The following SNTG1 variants were observed in gnomAD, a reference collection of about 807,000 sequenced individuals.
SNTG1 encodes the protein syntrophin gamma 1, also known as gamma-1-syntrophin.
SNTG1 carries 39 observed loss-of-function variants against 74.7 expected under a neutral mutation model. The observed-to-expected ratio is 0.52, with a 90% CI of 0.40 to 0.68. The LOEUF (loss-of-function observed/expected upper bound fraction) is 0.68, where lower values mean the gene tolerates loss of function less well. SNTG1 is among the 30% of genes least tolerant of loss of function. The pLI is 0.00. For synonymous variants in SNTG1, 254 were observed against 217.1 expected, an observed-to-expected ratio of 1.17 and a Z score of -1.49; for missense variants, 685 against 609.5, an observed-to-expected ratio of 1.12 and a Z score of -1.30.
chr8:49,984,302 T>G (rs943681740), intron 1 of SNTG1, among the ~76,000 whole-genome samples: 23 of 152,084 alleles, frequency 1.5e-4, no homozygotes, highest in Non-Finnish European at 4.4e-5. Flanking sequence ...GCCTCCCAGA[T>G]TCAAGCGATT....
intron 1 of SNTG1, among the ~76,000 whole-genome samples, chr8:50,058,260 T>G (rs1051695592): frequency 6.6e-6 from 1 of 152,160 alleles, no homozygotes; most frequent in African/African-American, 2.4e-5. Flanking sequence ...ATACTATGCT[T>G]TTTCAAATGT....
intron 1 of SNTG1, among the ~76,000 whole-genome samples, chr8:50,073,532 T>G (rs1393241420): frequency 6.6e-6 from 1 of 152,158 alleles, no homozygotes; most frequent in Non-Finnish European, 1.5e-5. Flanking sequence ...CTCTCATGAG[T>G]TCTGAATGTT....
Position 50,541,345 on chromosome 8 carries a change from G to GT in SNTG1, c.680+4538dup, listed in dbSNP as rs1194842277. On this transcript the variant is annotated intron_variant, in intron 11 of 18. Transcript: ENST00000642720. Reference sequence around the variant, plus strand: ...GCATCCACTAACGCAGTCAAGTTTTGTATGAACAGTTCCATCATTGCAGGC... The same window carrying GT: ...GCATCCACTAACGCAGTCAAGTTTTGTTATGAACAGTTCCATCATTGCAGGC... Among the ~76,000 whole-genome samples, 20 of 151,304 alleles carry GT rather than the reference G, an allele frequency of 1.3e-4. 1 individual carries two copies.
At chr8:50,373,521 A>G (rs2092313823) in intron 2 of SNTG1, among the ~76,000 whole-genome samples, 2 of 152,186 alleles carry the variant, frequency 1.3e-5, no homozygotes, top group Non-Finnish European at 2.9e-5. Context: ...AAGTTTATTA[A>G]GTAGTAAAAA....
chr8:50,034,978 G>A (rs1461443187), intron 1 of SNTG1, among the ~76,000 whole-genome samples: 1 of 152,174 alleles, frequency 6.6e-6, no homozygotes, highest in Non-Finnish European at 1.5e-5. Flanking sequence ...GATGAACAGA[G>A]GTTCCTTGCA....
chr8:50,100,678 G>GT (rs1223883619), intron 1 of SNTG1, among the ~76,000 whole-genome samples: 2 of 151,966 alleles, frequency 1.3e-5, no homozygotes, highest in Non-Finnish European at 2.9e-5. Flanking sequence ...GTTAATTAGA[G>GT]TTTTATCTAG....
intron 2 of SNTG1, among the ~76,000 whole-genome samples, chr8:50,294,761 G>C (rs1239697609): frequency 6.6e-6 from 1 of 152,142 alleles, no homozygotes; most frequent in African/African-American, 2.4e-5. Context: ...GAGAGCCATG[G>C]CTCAGCCAAA....
In SNTG1 at chr8:49,966,154, G is replaced by GA. The variant is rs1434327336; in HGVS notation, c.-103+53930dup. The stretch of plus-strand genomic sequence containing the variant: ...TCTTGTCTCTATTGGGAAAATCTGA[G>GA]AAAAAAATAGAGTTTGGAGCCTGTC... On this transcript the variant is annotated intron_variant, in intron 1 of 18. Coordinates refer to ENST00000642720, the MANE Select transcript of SNTG1 (RefSeq NM_018967.5). 3.9e-5 allele frequency among the ~76,000 whole-genome samples: 6 copies of GA among 152,074 alleles called. No homozygotes were observed. The South Asian group carries it at 8.3e-4, about 21-fold the overall frequency.
At chr8:50,782,108 C>G (rs2095661432) in intron 18 of SNTG1, among the ~76,000 whole-genome samples, 2 of 152,198 alleles carry the variant, frequency 1.3e-5, no homozygotes, top group South Asian at 4.1e-4. Flanking sequence ...TTGTGGCTAA[C>G]CCGACCTTTC....
intron 13 of SNTG1, among the ~76,000 whole-genome samples, chr8:50,624,221 T>C (rs968457955): frequency 1.3e-5 from 2 of 152,078 alleles, no homozygotes; most frequent in African/African-American, 4.8e-5. Context: ...TATGTTAGAG[T>C]AACCACTACT....
At chr8:49,973,386 G>T (rs947132611) in intron 1 of SNTG1, among the ~76,000 whole-genome samples, 1 of 151,798 alleles carries the variant, frequency 6.6e-6, no homozygotes, top group Non-Finnish European at 1.5e-5. Flanking sequence ...AGGGGGAGGG[G>T]TAGCATTAGA....
At position 50,530,062 on chromosome 8, in the gene SNTG1, G is replaced by A. The variant is rs28459609; in HGVS notation, c.467-115G>A. The A allele has an allele frequency of 2.6e-4, 220 of 845,004 alleles. No individual in the cohort carries two copies. In the African/African-American group the frequency reaches 3.4e-3, roughly 13 times the overall value. 52.3% of individuals were successfully genotyped at this position (845,004 alleles called of 1,614,324 possible). On this transcript the variant is annotated intron_variant, in intron 9 of 18. Transcript: ENST00000642720. ...AGTATAACTGAGATAAAATTGTATT[G>A]TAATATCTGATTTACTTGATATTAC... is the stretch of plus-strand genomic sequence containing the variant.
intron 15 of SNTG1, among the ~76,000 whole-genome samples, chr8:50,660,740 A>G (rs929850911): frequency 3.3e-5 from 5 of 152,174 alleles, no homozygotes; most frequent in Non-Finnish European, 7.4e-5. Context: ...AACATAATGC[A>G]GTTTACTATA....
At chr8:50,773,926 T>C (rs945273421) in intron 18 of SNTG1, among the ~76,000 whole-genome samples, 4 of 152,052 alleles carry the variant, frequency 2.6e-5, no homozygotes, top group African/African-American at 9.7e-5. Context: ...AAGAATCAAA[T>C]AAAATTTTCA....
intron 5 of SNTG1, 40 bp downstream of exon 5, chr8:50,438,639 C>T: frequency 6.5e-7 from 1 of 1,531,084 alleles, no homozygotes; most frequent in Non-Finnish European, 9.0e-7. Flanking sequence ...AAGGCCATGC[C>T]ATAAGAGCTG....
intron 17 of SNTG1, among the ~76,000 whole-genome samples, chr8:50,732,291 AGC>A (rs2095514742): frequency 6.6e-6 from 1 of 151,992 alleles, no homozygotes; most frequent in African/African-American, 2.4e-5. Context: ...AGTTAAGCCA[AGC>A]TAAAAATAAA....
intron 2 of SNTG1, among the ~76,000 whole-genome samples, chr8:50,324,557 T>G (rs772434483): frequency 6.6e-6 from 1 of 152,176 alleles, no homozygotes; most frequent in Non-Finnish European, 1.5e-5. Context: ...GCTTCTATTC[T>G]GCCCTCTTGC....
intron 2 of SNTG1, among the ~76,000 whole-genome samples, chr8:50,272,981 C>T (rs1240192880): frequency 6.6e-6 from 1 of 151,810 alleles, no homozygotes; most frequent in Non-Finnish European, 1.5e-5. Flanking sequence ...TGGCCTCAAG[C>T]AGTCCTCCCA....
At chr8:49,930,320 C>A (rs1437176301) in intron 1 of SNTG1, among the ~76,000 whole-genome samples, 2 of 151,842 alleles carry the variant, frequency 1.3e-5, no homozygotes, top group Non-Finnish European at 2.9e-5. Context: ...CAAGGTTATT[C>A]TATTCAAAAA....
Sources: gnomAD v4.1 joint callset for allele counts (sites outside exome capture counted in the v4.1 genomes callset) on GRCh38, gnomAD v4.1.1 for gene constraint, MANE v1.5 for transcripts, NCBI Gene and HGNC (gene_info 2026-07-23, HGNC 2026-07-21) for gene names.